The following HIF1AN variants were observed in gnomAD, a reference collection of about 807,000 sequenced individuals.
HIF1AN encodes the protein hypoxia-inducible factor 1-alpha inhibitor.
Under a neutral mutation model 47.7 loss-of-function variants are expected in HIF1AN, and 21 were observed. The ratio of observed to expected loss-of-function variants is 0.44; its 90% CI spans 0.31 to 0.63. The LOEUF (loss-of-function observed/expected upper bound fraction) is 0.63. HIF1AN is among the 30% of genes least tolerant of loss of function. HIF1AN has a pLI of 0.07. For synonymous variants in HIF1AN, 152 were observed against 155.9 expected, an observed-to-expected ratio of 0.98 and a Z score of 0.18; for missense variants, 320 against 432.7, an observed-to-expected ratio of 0.74 and a Z score of 2.31.
In HIF1AN at chr10:100,554,544, G is replaced by T. The variant is rs968567314; in HGVS notation, c.*6407G>T. 1 of 151,804 alleles carries T rather than the reference G, an allele frequency of 6.6e-6. No individual in the cohort carries two copies. Among genetic ancestry groups the T allele is most frequent in the Non-Finnish European group, 1.5e-5 (1 of 67,968 alleles). The allele number at this position is 151,804 out of a possible 1,614,324, so 9.4% of individuals were successfully genotyped here. A position where few individuals can be genotyped will look rare whatever the true frequency, so the allele number is the denominator to read the frequency against. On this transcript the variant is annotated 3_prime_UTR_variant, in exon 8 of 8. Coordinates refer to ENST00000299163, the MANE Select transcript of HIF1AN (RefSeq NM_017902.3). ...CAGACACCTGGGAGGATTACCTCAC[G>T]CCTGTAATCCCAGCACTTTGGGAGG...
chr10:100,547,281 G>T, intron 7 of HIF1AN, 31 bp downstream of exon 7: 1 of 1,415,888 alleles, frequency 7.1e-7, no homozygotes, highest in Non-Finnish European at 1.0e-6. Flanking sequence ...GGCTCAGTGG[G>T]TGGGTTGACC....
Position 100,536,529 on chromosome 10 carries a change from A to T in HIF1AN, c.296A>T (p.Lys99Met). 2 of 1,614,184 alleles carry T rather than the reference A, an allele frequency of 1.2e-6. No individual in the cohort carries two copies. The highest frequency in any genetic ancestry group is 1.7e-6 in the Non-Finnish European group (2 of 1,180,040). ...DFSVYSASTH[K>M]FLYYDEKKMA... is the part of the protein sequence containing the mutation. ...TCTGTGTACAGTGCCAGCACCCACA[A>T]GTTCTTGTACTATGATGAGAAGAAG... The change falls in exon 2 of 8, where the codon AAG (lysine) becomes ATG (methionine). Residue 99 changes from lysine to methionine, a missense_variant. Coordinates refer to ENST00000299163, the MANE Select transcript of HIF1AN (RefSeq NM_017902.3).
intron 5 of HIF1AN, 74 bp from the exon 6 acceptor site, chr10:100,546,444 C>T: frequency 2.6e-6 from 2 of 763,248 alleles, no homozygotes; most frequent in South Asian, 1.5e-5. Flanking sequence ...AACCCTGCCA[C>T]CCCCCCGCAC....
chr10:100,546,139 A>T (rs1233160643), intron 5 of HIF1AN, 90 bp downstream of exon 5: 9 of 930,586 alleles, frequency 9.7e-6, no homozygotes, highest in Non-Finnish European at 1.6e-5. Flanking sequence ...GAGTTATGGC[A>T]TGATTGGTTT....
chr10:100,545,918 T>C, intron 4 of HIF1AN, 25 bp from the exon 5 acceptor site: 1 of 1,507,208 alleles, frequency 6.6e-7, no homozygotes. Context: ...ATTGATATTT[T>C]TTTTCTTTCT....
At chr10:100,541,744 A>G (rs1358443273) in intron 3 of HIF1AN, among the ~76,000 whole-genome samples, 1 of 152,164 alleles carries the variant, frequency 6.6e-6, no homozygotes, top group Non-Finnish European at 1.5e-5. Context: ...GAGTGTGTAT[A>G]CTGAGATATT....
At chr10:100,537,905 C>T (rs765586393) in intron 2 of HIF1AN, among the ~76,000 whole-genome samples, 6 of 152,122 alleles carry the variant, frequency 3.9e-5, no homozygotes, top group Non-Finnish European at 5.9e-5. Flanking sequence ...GAACTGTGGT[C>T]GATCTGTCCA....
chr10:100,546,217 G>A (rs1158220687), intron 5 of HIF1AN, among the ~76,000 whole-genome samples, 168 bp downstream of exon 5: 1 of 152,138 alleles, frequency 6.6e-6, no homozygotes, highest in Non-Finnish European at 1.5e-5. Flanking sequence ...GATAGTGGCG[G>A]GAATGATAGC....
At position 100,540,860 on chromosome 10, in the gene HIF1AN, C is replaced by T. The variant is rs1024440749; in HGVS notation, c.577+78C>T. 21 of 1,297,762 alleles carry T rather than the reference C, an allele frequency of 1.6e-5. No individual in the cohort carries two copies. The African/African-American group carries it at 3.1e-4, about 19-fold the overall frequency. The allele number at this position is 1,297,762 out of a possible 1,614,324, so 80.4% of individuals were successfully genotyped here. A position where few individuals can be genotyped will look rare whatever the true frequency, so the allele number is the denominator to read the frequency against. ...TAATCCTGTCTTCACCGCTTATTAG[C>T]TCCATGACTTTGAACAAGCCACTTC... On this transcript the variant is annotated intron_variant, in intron 3 of 7. Coordinates refer to ENST00000299163, the MANE Select transcript of HIF1AN (RefSeq NM_017902.3).
At chr10:100,546,087 T>C (rs1353328725) in intron 5 of HIF1AN, 38 bp downstream of exon 5, 4 of 1,347,670 alleles carry the variant, frequency 3.0e-6, no homozygotes, top group Non-Finnish European at 4.2e-6. Context: ...TTTTGGGAGC[T>C]TTCTTTTCCA....
chr10:100,540,537 C>G, intron 2 of HIF1AN, 97 bp from the exon 3 acceptor site: 1 of 1,338,282 alleles, frequency 7.5e-7, no homozygotes, highest in South Asian at 1.3e-5. Context: ...GTGGGAGATG[C>G]TGGTATGGAT....
At chr10:100,537,915 A>C (rs1564661183) in intron 2 of HIF1AN, among the ~76,000 whole-genome samples, 1 of 152,242 alleles carries the variant, frequency 6.6e-6, no homozygotes, top group East Asian at 1.9e-4. Context: ...CGATCTGTCC[A>C]TGATGTCTTA....
intron 3 of HIF1AN, 136 bp from the exon 4 acceptor site, chr10:100,544,815 C>G: frequency 1.3e-6 from 1 of 744,660 alleles, no homozygotes; most frequent in Non-Finnish European, 2.2e-6. Flanking sequence ...TGGAATTTCC[C>G]TGATTCTGCC....
intron 3 of HIF1AN, 105 bp from the exon 4 acceptor site, chr10:100,544,846 T>C: frequency 9.1e-7 from 1 of 1,095,356 alleles, no homozygotes; most frequent in Non-Finnish European, 1.3e-6. Flanking sequence ...TTTGGAACTT[T>C]TAGCTGGGAG....
intron 3 of HIF1AN, among the ~76,000 whole-genome samples, chr10:100,542,557 G>A (rs1028655732): frequency 6.6e-6 from 1 of 151,970 alleles, no homozygotes; most frequent in African/African-American, 2.4e-5. Flanking sequence ...GGGTTTCACC[G>A]TGTTAGCCAG....
intron 4 of HIF1AN, 99 bp from the exon 5 acceptor site, chr10:100,545,844 T>G: frequency 1.4e-6 from 1 of 734,072 alleles, no homozygotes; most frequent in Non-Finnish European, 2.3e-6. Context: ...GTTTTTTTTT[T>G]GTTTGTTTGT....
chr10:100,539,124 G>A (rs1842991874), intron 2 of HIF1AN, among the ~76,000 whole-genome samples: 1 of 151,956 alleles, frequency 6.6e-6, no homozygotes, highest in African/African-American at 2.4e-5. Context: ...AATACATAAG[G>A]TTTTGCCATG....
rs899421487 is a variant in HIF1AN, at chr10:100,554,164, C to T, written c.*6027C>T. ...TACTGCTGTACTACCAGCCCAGGGCCTTGGGTGAGAAGGTTTCAGGTCTGA... is the reference window on the plus strand; with the variant it reads ...TACTGCTGTACTACCAGCCCAGGGCTTTGGGTGAGAAGGTTTCAGGTCTGA... On this transcript the variant is annotated 3_prime_UTR_variant, in exon 8 of 8. Transcript: ENST00000299163. 2.0e-5 allele frequency: 3 copies of T among 152,244 alleles called. No individual in the cohort carries two copies. The highest frequency in any genetic ancestry group is 3.4e-3 in the Middle Eastern group (1 of 294). 9.4% of individuals were successfully genotyped at this position (152,244 alleles called of 1,614,324 possible).
At position 100,545,928 on chromosome 10, in the gene HIF1AN, T is replaced by C. The variant is rs74154668; in HGVS notation, c.724-15T>C. 1.9e-3 allele frequency: 2,990 copies of C among 1,576,350 alleles called. 48 individuals are homozygous for C. The African/African-American group carries it at 0.035, about 19-fold the overall frequency. Reference sequence around the variant, plus strand: ...TGGTGATTGATATTTTTTTTCTTTCTCTTGAACCTCTTAGGTGGACTTTGA... The same window carrying C: ...TGGTGATTGATATTTTTTTTCTTTCCCTTGAACCTCTTAGGTGGACTTTGA... On this transcript the variant is annotated splice_polypyrimidine_tract_variant and intron_variant, in intron 4 of 7. Coordinates refer to ENST00000299163, the MANE Select transcript of HIF1AN (RefSeq NM_017902.3).
Sources: allele counts gnomAD v4.1 joint callset (sites outside exome capture counted in the v4.1 genomes callset), GRCh38; gene constraint gnomAD v4.1.1; transcripts MANE v1.5; gene names NCBI Gene and HGNC (gene_info 2026-07-23, HGNC 2026-07-21).